The following SPOCK1 variants were observed in gnomAD, a reference collection of about 807,000 sequenced individuals.
The protein encoded by SPOCK1 is SPARC (osteonectin), cwcv and kazal like domains proteoglycan 1, also known as testican-1.
A neutral mutation model predicts 55.3 loss-of-function variants in SPOCK1; 23 were observed. The ratio of observed to expected loss-of-function variants is 0.42; its 90% confidence interval spans 0.30 to 0.59. SPOCK1 has a LOEUF of 0.59. Among genes scored for constraint, SPOCK1 ranks in the 20% least tolerant of loss-of-function variants. The pLI is 0.22. For synonymous variants in SPOCK1, 226 were observed against 221.0 expected (o/e 1.02, Z -0.20); for missense variants, 499 against 552.5 (o/e 0.90, Z 0.97).
intron 2 of SPOCK1, among the ~76,000 whole-genome samples, chr5:137,296,770 G>T (rs926687061): frequency 1.1e-4 from 16 of 152,196 alleles, no homozygotes; most frequent in Admixed American, 8.5e-4. Context: ...ATGCTATGCA[G>T]AATCTTGACA....
intron 2 of SPOCK1, among the ~76,000 whole-genome samples, chr5:137,283,257 T>C (rs1757198374): frequency 6.6e-6 from 1 of 152,158 alleles, no homozygotes; most frequent in Non-Finnish European, 1.5e-5. Context: ...CTACCTTTGC[T>C]CCTCAACACT....
chr5:137,165,250 G>T (rs1754625579), intron 3 of SPOCK1, among the ~76,000 whole-genome samples: 1 of 152,228 alleles, frequency 6.6e-6, no homozygotes, highest in African/African-American at 2.4e-5. Flanking sequence ...TTGGGAGAAA[G>T]CAAGGAAAGA....
chr5:137,245,208 TTAATAG>T (rs1475950215), intron 3 of SPOCK1, among the ~76,000 whole-genome samples: 2 of 152,162 alleles, frequency 1.3e-5, no homozygotes, highest in Admixed American at 1.3e-4. Flanking sequence ...GCTAACATAA[TTAATAG>T]TAAACACATC....
At chr5:137,139,390 T>C (rs183254126) in intron 4 of SPOCK1, among the ~76,000 whole-genome samples, 1 of 152,212 alleles carries the variant, frequency 6.6e-6, no homozygotes, top group Non-Finnish European at 1.5e-5. Flanking sequence ...AGGAGCTCCC[T>C]AGGCACATTC....
intron 2 of SPOCK1, among the ~76,000 whole-genome samples, chr5:137,318,775 C>T (rs1477435573): frequency 6.6e-6 from 1 of 152,192 alleles, no homozygotes; most frequent in Non-Finnish European, 1.5e-5. Context: ...ATATATGAGA[C>T]AGCACAGAGC....
At chr5:137,103,367 C>G (rs1753307766) in intron 5 of SPOCK1, among the ~76,000 whole-genome samples, 1 of 152,200 alleles carries the variant, frequency 6.6e-6, no homozygotes, top group South Asian at 2.1e-4. Context: ...CCCCAGCCTC[C>G]CTTGAAGCTT....
intron 6 of SPOCK1, among the ~76,000 whole-genome samples, chr5:137,023,611 G>A (rs753964824): frequency 2.0e-5 from 3 of 152,206 alleles, no homozygotes; most frequent in African/African-American, 4.8e-5. Flanking sequence ...ATGAGGAAAT[G>A]AGAATCAAAT....
intron 5 of SPOCK1, among the ~76,000 whole-genome samples, chr5:137,082,845 T>C (rs1752897664): frequency 2.6e-5 from 4 of 152,218 alleles, no homozygotes; most frequent in Admixed American, 2.6e-4. Flanking sequence ...ATTTCAAAGT[T>C]AGAAAGTTCA....
At chr5:137,001,366 C>T (rs1751145245) in intron 6 of SPOCK1, among the ~76,000 whole-genome samples, 1 of 152,102 alleles carries the variant, frequency 6.6e-6, no homozygotes, top group East Asian at 1.9e-4. Flanking sequence ...AGGAAATGAC[C>T]ACAGGAAGCC....
intron 5 of SPOCK1, among the ~76,000 whole-genome samples, chr5:137,092,698 T>A (rs539917802): frequency 6.6e-6 from 1 of 152,172 alleles, no homozygotes; most frequent in Non-Finnish European, 1.5e-5. Context: ...TCCTGATGAA[T>A]AGGAGAAAAG....
intron 6 of SPOCK1, among the ~76,000 whole-genome samples, chr5:137,025,702 G>C (rs1751662951): frequency 6.6e-6 from 1 of 152,112 alleles, no homozygotes; most frequent in Admixed American, 6.6e-5. Flanking sequence ...AGGACAAAGA[G>C]ATCAGGAGAA....
chr5:137,216,488 A>T (rs1000262861), intron 3 of SPOCK1, among the ~76,000 whole-genome samples: 11 of 152,206 alleles, frequency 7.2e-5, no homozygotes, highest in African/African-American at 2.7e-4. Flanking sequence ...AGGCGGGTGG[A>T]TCACTTGAGG....
At chr5:137,035,514 A>T (rs544006805) in intron 6 of SPOCK1, among the ~76,000 whole-genome samples, 5 of 152,324 alleles carry the variant, frequency 3.3e-5, no homozygotes, top group African/African-American at 1.2e-4. Context: ...AGGAGATGCA[A>T]GCTATAACCA....
intron 2 of SPOCK1, among the ~76,000 whole-genome samples, chr5:137,475,009 T>C (rs1753808608): frequency 6.6e-6 from 1 of 152,156 alleles, no homozygotes; most frequent in Non-Finnish European, 1.5e-5. Flanking sequence ...TGATTATTTA[T>C]TGGATACAAA....
chr5:137,144,944 T>C (rs1243639643), intron 3 of SPOCK1, among the ~76,000 whole-genome samples: 2 of 152,052 alleles, frequency 1.3e-5, no homozygotes, highest in Non-Finnish European at 2.9e-5. Flanking sequence ...GATGCAGACA[T>C]CCCCAGAGGA....
chr5:137,012,633 CTATA>C (rs777028845), intron 6 of SPOCK1, among the ~76,000 whole-genome samples: 25 of 152,228 alleles, frequency 1.6e-4, no homozygotes, highest in African/African-American at 5.3e-4. Flanking sequence ...CCAGAAGGTT[CTATA>C]ATAGTTAATC....
At chr5:137,355,035 C>T (rs1385133839) in intron 2 of SPOCK1, among the ~76,000 whole-genome samples, 2 of 150,892 alleles carry the variant, frequency 1.3e-5, no homozygotes, top group African/African-American at 2.4e-5. Flanking sequence ...CCTGAGTAGA[C>T]GGGACTACAG....
At chr5:137,404,710 C>A (rs533045973) in intron 2 of SPOCK1, among the ~76,000 whole-genome samples, 1 of 152,040 alleles carries the variant, frequency 6.6e-6, no homozygotes. Flanking sequence ...AGCCACCGCA[C>A]CTGGCCTAAA....
chr5:137,288,813 T>G (rs1757313678), intron 2 of SPOCK1, among the ~76,000 whole-genome samples: 1 of 152,196 alleles, frequency 6.6e-6, no homozygotes, highest in Non-Finnish European at 1.5e-5. Context: ...GTAAACAACT[T>G]TAAAAGCCAC....
Sources: gnomAD v4.1 joint callset for allele counts (sites outside exome capture counted in the v4.1 genomes callset) on GRCh38, gnomAD v4.1.1 for gene constraint, MANE v1.5 for transcripts, NCBI Gene and HGNC (gene_info 2026-07-23, HGNC 2026-07-21) for gene names.